The following SORCS3 variants were observed in gnomAD, a reference collection of about 807,000 sequenced individuals.
SORCS3 encodes the protein VPS10 domain-containing receptor SorCS3.
In SORCS3, 57 loss-of-function variants were observed where a neutral mutation model predicts 146.3. That is an observed-to-expected ratio of 0.39 (90% confidence interval 0.31 to 0.49). SORCS3 has a LOEUF of 0.49. Ranked by LOEUF, SORCS3 falls within the 20% of genes least tolerant of loss-of-function variation. The pLI is 0.92. For synonymous variants in SORCS3, 653 were observed against 618.5 expected (o/e 1.06, Z -0.83); for missense variants, 1,341 against 1,575.5 (o/e 0.85, Z 2.52).
chr10:105,210,636 C>A (rs1265860362), intron 16 of SORCS3, among the ~76,000 whole-genome samples: 2 of 152,110 alleles, frequency 1.3e-5, no homozygotes, highest in Non-Finnish European at 2.9e-5. Context: ...AAAAGAGCTA[C>A]AGTGTAGTTT....
rs546608830 is a variant in SORCS3, at chr10:104,719,706, G to T, written c.627+77752G>T. Among the ~76,000 whole-genome samples the T allele has an allele frequency of 3.9e-5, 6 of 152,298 alleles. No individual in the cohort carries two copies. The East Asian group carries it at 1.2e-3, about 29-fold the overall frequency. ...AAAAACACCATGCATGTATGTGAGGGTGTATTTATTACTTTAAGATCATTG... is the reference window on the plus strand; with the variant it reads ...AAAAACACCATGCATGTATGTGAGGTTGTATTTATTACTTTAAGATCATTG... On this transcript the variant is annotated intron_variant, in intron 1 of 26. Transcript: ENST00000369701.
At chr10:104,862,077 G>A (rs1017157160) in intron 2 of SORCS3, among the ~76,000 whole-genome samples, 1 of 152,150 alleles carries the variant, frequency 6.6e-6, no homozygotes, top group African/African-American at 2.4e-5. Context: ...TCCAAATAAG[G>A]TCACATTCTG....
At chr10:105,122,433 A>C (rs924017663) in intron 7 of SORCS3, among the ~76,000 whole-genome samples, 5 of 152,198 alleles carry the variant, frequency 3.3e-5, no homozygotes, top group African/African-American at 1.2e-4. Context: ...GATGTTAACC[A>C]ATCAGCTTGA....
intron 1 of SORCS3, among the ~76,000 whole-genome samples, chr10:104,820,010 G>A (rs1041631147): frequency 6.6e-5 from 10 of 152,168 alleles, no homozygotes; most frequent in Admixed American, 2.6e-4. Flanking sequence ...TTATCTTGAG[G>A]ATGTTGGGTT....
chr10:104,838,298 A>G (rs2018095174), intron 1 of SORCS3, among the ~76,000 whole-genome samples: 1 of 151,984 alleles, frequency 6.6e-6, no homozygotes, highest in Non-Finnish European at 1.5e-5. Flanking sequence ...TGGTCCGAGT[A>G]CTTGCCTAAC....
At chr10:105,025,295 G>T (rs1389680766) in intron 4 of SORCS3, among the ~76,000 whole-genome samples, 1 of 152,292 alleles carries the variant, frequency 6.6e-6, no homozygotes, top group South Asian at 2.1e-4. Context: ...GGCAAGATCA[G>T]CTGGTAGAAT....
intron 2 of SORCS3, among the ~76,000 whole-genome samples, chr10:104,911,383 C>G (rs914993138): frequency 6.6e-6 from 1 of 152,188 alleles, no homozygotes; most frequent in Non-Finnish European, 1.5e-5. Context: ...GTTGGGCAGT[C>G]CCTCTTTTCA....
intron 9 of SORCS3, among the ~76,000 whole-genome samples, chr10:105,151,141 G>A (rs2056164951): frequency 6.6e-6 from 1 of 152,168 alleles, no homozygotes; most frequent in Non-Finnish European, 1.5e-5. Flanking sequence ...AGGTTGTGGA[G>A]TTACAAAAGA....
At chr10:104,993,898 C>A (rs879493897) in intron 4 of SORCS3, among the ~76,000 whole-genome samples, 9 of 152,160 alleles carry the variant, frequency 5.9e-5, no homozygotes, top group Non-Finnish European at 1.3e-4. Context: ...TCCAAAGTAG[C>A]TTACTACTCA....
At chr10:104,908,986 C>T (rs1311604148) in intron 2 of SORCS3, among the ~76,000 whole-genome samples, 1 of 152,074 alleles carries the variant, frequency 6.6e-6, no homozygotes, top group Non-Finnish European at 1.5e-5. Flanking sequence ...AGGCAGAAAT[C>T]TTGAGAAGTT....
chr10:105,139,944 C>A (rs1389319690), intron 8 of SORCS3, among the ~76,000 whole-genome samples: 3 of 152,192 alleles, frequency 2.0e-5, no homozygotes, highest in Non-Finnish European at 2.9e-5. Flanking sequence ...TCTACTCCCC[C>A]TGCCACCATG....
At chr10:104,939,073 T>C (rs977671255) in intron 3 of SORCS3, among the ~76,000 whole-genome samples, 1 of 152,236 alleles carries the variant, frequency 6.6e-6, no homozygotes, top group African/African-American at 2.4e-5. Flanking sequence ...CTCCTGTCAC[T>C]GCTATAGGAT....
At chr10:104,794,966 G>C (rs570663718) in intron 1 of SORCS3, among the ~76,000 whole-genome samples, 1 of 152,126 alleles carries the variant, frequency 6.6e-6, no homozygotes, top group African/African-American at 2.4e-5. Context: ...AATAGGAGCT[G>C]GTCTCTTTAG....
At chr10:104,712,424 CAAATG>C (rs2016429331) in intron 1 of SORCS3, among the ~76,000 whole-genome samples, 2 of 152,212 alleles carry the variant, frequency 1.3e-5, no homozygotes, top group African/African-American at 4.8e-5. Context: ...TGAGTGAAAT[CAAATG>C]ATTTCACTGC....
intron 5 of SORCS3, among the ~76,000 whole-genome samples, chr10:105,061,984 C>T (rs2055491034): frequency 6.6e-6 from 1 of 152,152 alleles, no homozygotes; most frequent in African/African-American, 2.4e-5. Context: ...CCACCCACAC[C>T]TCAACACTTA....
chr10:105,080,706 G>T (rs111756307), intron 5 of SORCS3, among the ~76,000 whole-genome samples: 9,395 of 151,984 alleles, frequency 0.062, 337 homozygotes, highest in Middle Eastern at 0.099. Flanking sequence ...TCCATCTTGA[G>T]TTGATTTTTG....
chr10:105,214,396 A>G, intron 17 of SORCS3, 46 bp from the exon 18 acceptor site: 1 of 1,605,102 alleles, frequency 6.2e-7, no homozygotes, highest in East Asian at 2.2e-5. Flanking sequence ...AACAGCAACA[A>G]CAACACAATC....
At chr10:105,020,052 C>G (rs2055189702) in intron 4 of SORCS3, among the ~76,000 whole-genome samples, 1 of 152,114 alleles carries the variant, frequency 6.6e-6, no homozygotes, top group South Asian at 2.1e-4. Context: ...CTTAGAGCTC[C>G]AATGCTTTAT....
chr10:105,185,906 T>C (rs2056472597), intron 14 of SORCS3, among the ~76,000 whole-genome samples: 1 of 152,208 alleles, frequency 6.6e-6, no homozygotes, highest in Non-Finnish European at 1.5e-5. Context: ...ATAATATTCT[T>C]CTACATGATT....
Sources: gnomAD v4.1 joint callset for allele counts (sites outside exome capture counted in the v4.1 genomes callset) on GRCh38, gnomAD v4.1.1 for gene constraint, MANE v1.5 for transcripts, NCBI Gene and HGNC (gene_info 2026-07-23, HGNC 2026-07-21) for gene names.